Variants in OLFM3 observed in about 807,000 individuals in gnomAD.
The protein encoded by OLFM3 is noelin-3.
A neutral mutation model predicts 48.6 loss-of-function variants in OLFM3; 20 were observed. That is an observed-to-expected ratio of 0.41 (90% CI 0.29 to 0.60). OLFM3 has a LOEUF of 0.60. Ranked by LOEUF, OLFM3 falls within the 20% of genes least tolerant of loss-of-function variation. OLFM3 has a pLI of 0.28. For missense variants in OLFM3, 437 were observed against 544.3 expected, an observed-to-expected ratio of 0.80 and a Z score of 1.96; for synonymous variants, 222 against 198.1, an observed-to-expected ratio of 1.12 and a Z score of -1.01.
rs372569759 is a variant in OLFM3, at chr1:101,869,095, G to C, written c.70-32070C>G. On this transcript the variant is annotated intron_variant, in intron 1 of 5. Coordinates refer to ENST00000370103, the MANE Select transcript of OLFM3 (RefSeq NM_058170.4). Reference sequence around the variant, plus strand: ...ATGTGGGGTCAGAGCCCCACACAGAGTTCCCACTGGAGCACTACCTGTTGG... The same window carrying C: ...ATGTGGGGTCAGAGCCCCACACAGACTTCCCACTGGAGCACTACCTGTTGG... 2.0e-3 allele frequency among the ~76,000 whole-genome samples: 311 copies of C among 152,328 alleles called. 1 individual carries two copies. In the South Asian group the frequency reaches 0.022, roughly 11 times the overall value.
chr1:101,941,494 G>T (rs1453932066), intron 1 of OLFM3, among the ~76,000 whole-genome samples: 2 of 151,940 alleles, frequency 1.3e-5, no homozygotes, highest in Non-Finnish European at 2.9e-5. Context: ...TCATGAATGT[G>T]ACCTCATTCA....
At chr1:101,960,257 T>C (rs1435535882) in intron 1 of OLFM3, among the ~76,000 whole-genome samples, 1 of 152,130 alleles carries the variant, frequency 6.6e-6, no homozygotes, top group Non-Finnish European at 1.5e-5. Flanking sequence ...TGAAAGCAAT[T>C]GAGTGGAAAT....
chr1:101,843,500 G>C (rs1164498501), intron 1 of OLFM3, among the ~76,000 whole-genome samples: 1 of 152,094 alleles, frequency 6.6e-6, no homozygotes, highest in Non-Finnish European at 1.5e-5. Flanking sequence ...AAGGCTGATG[G>C]GCCCAGTGGA....
chr1:101,834,085 A>AT (rs1049641303), intron 2 of OLFM3, among the ~76,000 whole-genome samples: 1 of 152,170 alleles, frequency 6.6e-6, no homozygotes, highest in Non-Finnish European at 1.5e-5. Flanking sequence ...AACCAATTAT[A>AT]TTTTTTCTAA....
intron 1 of OLFM3, among the ~76,000 whole-genome samples, chr1:101,842,313 G>T (rs1655764047): frequency 6.6e-6 from 1 of 152,066 alleles, no homozygotes; most frequent in Non-Finnish European, 1.5e-5. Context: ...GCAGGTGGAT[G>T]GCTTGAGCCC....
At chr1:101,927,818 C>T (rs1659318260) in intron 1 of OLFM3, among the ~76,000 whole-genome samples, 2 of 150,384 alleles carry the variant, frequency 1.3e-5, no homozygotes, top group East Asian at 3.9e-4. Context: ...AGTGGAAAAA[C>T]ACATACCAGA....
chr1:101,877,083 T>A (rs78538394), intron 1 of OLFM3, among the ~76,000 whole-genome samples: 2 of 152,018 alleles, frequency 1.3e-5, no homozygotes, highest in Non-Finnish European at 2.9e-5. Context: ...TATGAAAGTT[T>A]CTTTGTAAAC....
At chr1:101,979,687 C>T (rs1266900518) in intron 1 of OLFM3, among the ~76,000 whole-genome samples, 1 of 152,142 alleles carries the variant, frequency 6.6e-6, no homozygotes, top group African/African-American at 2.4e-5. Flanking sequence ...AAAACCTCTG[C>T]TAGGGCGGTA....
At chr1:101,921,676 G>T (rs2101038735) in intron 1 of OLFM3, among the ~76,000 whole-genome samples, 1 of 152,204 alleles carries the variant, frequency 6.6e-6, no homozygotes, top group South Asian at 2.1e-4. Context: ...AAAATTTTTT[G>T]AGCATAATAA....
chr1:101,927,007 A>C (rs1037201011), intron 1 of OLFM3, among the ~76,000 whole-genome samples: 1 of 152,196 alleles, frequency 6.6e-6, no homozygotes, highest in Admixed American at 6.5e-5. Context: ...TGAATGATGC[A>C]GCGCTTCTAG....
intron 1 of OLFM3, among the ~76,000 whole-genome samples, chr1:101,871,891 G>C (rs1234021237): frequency 6.6e-6 from 1 of 152,056 alleles, no homozygotes; most frequent in African/African-American, 2.4e-5. Context: ...GTACCACAGA[G>C]AGAAGTGGTC....
intron 1 of OLFM3, among the ~76,000 whole-genome samples, chr1:101,898,610 A>C (rs958189428): frequency 6.6e-6 from 1 of 152,176 alleles, no homozygotes; most frequent in Non-Finnish European, 1.5e-5. Flanking sequence ...GCACTTTGAG[A>C]GGCCAAGGTG....
chr1:101,831,808 A>C, intron 2 of OLFM3, among the ~76,000 whole-genome samples: 1 of 152,224 alleles, frequency 6.6e-6, no homozygotes, highest in East Asian at 1.9e-4. Flanking sequence ...ATGTCTATTA[A>C]AGTTTGAGAA....
In OLFM3 at chr1:101,891,651, G is replaced by T. The variant is rs1316469639; in HGVS notation, c.70-54626C>A. 4.0e-5 allele frequency among the ~76,000 whole-genome samples: 6 copies of T among 151,822 alleles called. No homozygotes were observed. The East Asian group carries it at 1.2e-3, about 29-fold the overall frequency. On this transcript the variant is annotated intron_variant, in intron 1 of 5. Transcript: ENST00000370103. ...TAAAAACTAGTAATTATATGCATTA[G>T]ATTATCTACAGTAATGTCAATTCAT...
At chr1:101,874,793 T>A (rs1657231951) in intron 1 of OLFM3, among the ~76,000 whole-genome samples, 3 of 151,996 alleles carry the variant, frequency 2.0e-5, no homozygotes, top group African/African-American at 7.2e-5. Flanking sequence ...AGGCAGATTA[T>A]CTGCAAATCT....
intron 1 of OLFM3, among the ~76,000 whole-genome samples, chr1:101,960,109 G>T (rs1443845678): frequency 6.6e-6 from 1 of 152,198 alleles, no homozygotes; most frequent in South Asian, 2.1e-4. Context: ...GGAGGAAACG[G>T]GGCTGGGGCA....
chr1:101,972,448 G>C (rs4908208), intron 1 of OLFM3, among the ~76,000 whole-genome samples: 47,105 of 151,938 alleles, frequency 0.31, 7,473 homozygotes, highest in South Asian at 0.35. Flanking sequence ...TGATTATCTT[G>C]TCTGGCTGAA....
chr1:101,907,324 A>G (rs1658586193), intron 1 of OLFM3, among the ~76,000 whole-genome samples: 1 of 152,224 alleles, frequency 6.6e-6, no homozygotes, highest in African/African-American at 2.4e-5. Context: ...ATTTATATAC[A>G]AAACCATTTT....
chr1:101,869,364 T>C (rs957369353), intron 1 of OLFM3, among the ~76,000 whole-genome samples: 1 of 152,170 alleles, frequency 6.6e-6, no homozygotes, highest in Admixed American at 6.5e-5. Context: ...AACTTTCTGG[T>C]TTAATGACTG....
Sources: gnomAD v4.1 joint callset for allele counts (sites outside exome capture counted in the v4.1 genomes callset) on GRCh38, gnomAD v4.1.1 for gene constraint, MANE v1.5 for transcripts, NCBI Gene and HGNC (gene_info 2026-07-23, HGNC 2026-07-21) for gene names.